The following SENP7 variants were observed in gnomAD, a reference collection of about 807,000 sequenced individuals.
The protein encoded by SENP7 is sentrin-specific protease 7.
Under a neutral mutation model 141.2 loss-of-function variants are expected in SENP7, and 64 were observed. That is an observed-to-expected ratio of 0.45 (90% CI 0.37 to 0.56). The LOEUF (loss-of-function observed/expected upper bound fraction) is 0.56, where lower values mean the gene tolerates loss of function less well. SENP7 is among the 20% of genes least tolerant of loss of function. The pLI is 0.00. For missense variants in SENP7, 1,025 were observed against 1,212.2 expected (o/e 0.85, Z 2.29); for synonymous variants, 382 against 426.4 (o/e 0.90, Z 1.28).
intron 4 of SENP7, among the ~76,000 whole-genome samples, chr3:101,444,300 T>C (rs1413015289): frequency 6.6e-6 from 1 of 150,924 alleles, no homozygotes; most frequent in Non-Finnish European, 1.5e-5. Context: ...GGTGGGATTG[T>C]AAACTAGTTC....
chr3:101,358,204 G>A, intron 11 of SENP7: 2 of 667,380 alleles, frequency 3.0e-6, no homozygotes, highest in Non-Finnish European at 2.5e-6. Flanking sequence ...ACCTTCACCT[G>A]GTTTAGTCAA....
intron 3 of SENP7, among the ~76,000 whole-genome samples, chr3:101,474,205 T>C (rs1559881260): frequency 1.3e-5 from 2 of 152,214 alleles, no homozygotes; most frequent in South Asian, 4.1e-4. Flanking sequence ...AATTTTAAAA[T>C]AGTTTTCTCT....
chr3:101,354,503 C>T (rs559502877), intron 11 of SENP7, among the ~76,000 whole-genome samples: 4 of 151,954 alleles, frequency 2.6e-5, no homozygotes, highest in South Asian at 2.1e-4. Flanking sequence ...TGAGAATATG[C>T]GGTATTTGGT....
intron 5 of SENP7, among the ~76,000 whole-genome samples, chr3:101,412,839 C>A (rs2061493977): frequency 1.3e-5 from 2 of 152,088 alleles, no homozygotes. Flanking sequence ...ATAAAACTAA[C>A]ACTAAAATGC....
intron 4 of SENP7, among the ~76,000 whole-genome samples, chr3:101,423,333 A>G (rs1456972394): frequency 6.6e-6 from 1 of 152,216 alleles, no homozygotes; most frequent in Non-Finnish European, 1.5e-5. Context: ...AAGGAAATGC[A>G]ATTAAAACCA....
chr3:101,438,824 G>A (rs371494080), intron 4 of SENP7, among the ~76,000 whole-genome samples: 5 of 152,058 alleles, frequency 3.3e-5, no homozygotes, highest in East Asian at 1.9e-4. Context: ...CTTTGCCGCC[G>A]CGCCGGCGAG....
At chr3:101,373,073 A>G (rs1249510150) in intron 6 of SENP7, among the ~76,000 whole-genome samples, 1 of 152,062 alleles carries the variant, frequency 6.6e-6, no homozygotes, top group Non-Finnish European at 1.5e-5. Flanking sequence ...AAGGCTAAAA[A>G]TGACTTATAA....
intron 4 of SENP7, among the ~76,000 whole-genome samples, chr3:101,426,250 CATA>C (rs1403639834): frequency 6.6e-6 from 1 of 152,076 alleles, no homozygotes; most frequent in Non-Finnish European, 1.5e-5. Context: ...CCCAAAGACA[CATA>C]ATCATCAGAT....
intron 6 of SENP7, among the ~76,000 whole-genome samples, chr3:101,379,066 C>A (rs1455005106): frequency 4.6e-5 from 7 of 152,020 alleles, no homozygotes; most frequent in African/African-American, 1.7e-4. Flanking sequence ...ATAGAGATCC[C>A]AGAAATAAAC....
At chr3:101,496,168 G>C (rs1360642039) in intron 2 of SENP7, among the ~76,000 whole-genome samples, 1 of 152,118 alleles carries the variant, frequency 6.6e-6, no homozygotes, top group Non-Finnish European at 1.5e-5. Context: ...TGTCTGGGTG[G>C]CCTTAATTCA....
At chr3:101,458,774 G>C in intron 4 of SENP7, 181 bp downstream of exon 4, 1 of 464,874 alleles carries the variant, frequency 2.2e-6, no homozygotes, top group Admixed American at 3.7e-5. Flanking sequence ...ACAAAAACAA[G>C]GGAGTTAAGA....
At chr3:101,402,218 C>A (rs1478778589) in intron 5 of SENP7, among the ~76,000 whole-genome samples, 1 of 152,086 alleles carries the variant, frequency 6.6e-6, no homozygotes, top group East Asian at 1.9e-4. Flanking sequence ...AAAGTCAATG[C>A]ATAAGTTCGA....
intron 6 of SENP7, among the ~76,000 whole-genome samples, chr3:101,383,624 G>A (rs1015923466): frequency 2.6e-5 from 4 of 152,206 alleles, no homozygotes; most frequent in Non-Finnish European, 4.4e-5. Flanking sequence ...AGGCCAAGGC[G>A]AGGCACTGTC....
At chr3:101,507,444 C>T (rs142628695) in intron 1 of SENP7, among the ~76,000 whole-genome samples, 3 of 152,302 alleles carry the variant, frequency 2.0e-5, no homozygotes, top group African/African-American at 7.2e-5. Flanking sequence ...TTGAATTCTA[C>T]CCCCTCATCT....
chr3:101,459,026 G>A lies in SENP7; in HGVS notation c.213C>T (p.Val71=), dbSNP rs1169427312. The change falls in exon 4 of 24, where the codon GTC becomes GTT. Residue 71 remains valine, a synonymous_variant. Transcript: ENST00000394095. ...LQWERSLRNK[V]ISLDHKNKKH... is the part of the protein sequence containing the mutation. ...TTTTATTTTTATGGTCTAGAGAGATGACTTTATTCCTTAGGCTTCTTTCCC... is the reference window on the plus strand; with the variant it reads ...TTTTATTTTTATGGTCTAGAGAGATAACTTTATTCCTTAGGCTTCTTTCCC... The A allele has an allele frequency of 6.3e-7, 1 of 1,598,224 alleles. No individual in the cohort carries two copies. Among genetic ancestry groups the A allele is most frequent in the South Asian group, 1.1e-5 (1 of 88,044 alleles).
At chr3:101,471,802 G>GA (rs1434171414) in intron 3 of SENP7, among the ~76,000 whole-genome samples, 1 of 151,896 alleles carries the variant, frequency 6.6e-6, no homozygotes, top group Non-Finnish European at 1.5e-5. Context: ...AAATTTACAA[G>GA]AAAAAAACAA....
chr3:101,450,895 A>G (rs1378494542), intron 4 of SENP7, among the ~76,000 whole-genome samples: 1 of 152,212 alleles, frequency 6.6e-6, no homozygotes, highest in Non-Finnish European at 1.5e-5. Flanking sequence ...GAGACCCAAA[A>G]AACCCTTCAA....
intron 1 of SENP7, among the ~76,000 whole-genome samples, chr3:101,509,678 ATCAT>A (rs1427541192): frequency 6.6e-6 from 1 of 152,204 alleles, no homozygotes; most frequent in Non-Finnish European, 1.5e-5. Flanking sequence ...AGCTTCAATT[ATCAT>A]TCATTACACT....
At chr3:101,456,520 C>T (rs1180924172) in intron 4 of SENP7, among the ~76,000 whole-genome samples, 1 of 151,904 alleles carries the variant, frequency 6.6e-6, no homozygotes, top group Non-Finnish European at 1.5e-5. Flanking sequence ...TGTGACCATG[C>T]CTGAAAATCA....
Sources: allele counts gnomAD v4.1 joint callset (sites outside exome capture counted in the v4.1 genomes callset), GRCh38; gene constraint gnomAD v4.1.1; transcripts MANE v1.5; gene names NCBI Gene and HGNC (gene_info 2026-07-23, HGNC 2026-07-21).